The following MYO3B variants were observed in gnomAD, a reference collection of about 807,000 sequenced individuals.
MYO3B encodes the protein myosin-IIIb.
MYO3B carries 156 observed loss-of-function variants against 174.6 expected under a neutral mutation model. That is an observed-to-expected ratio of 0.89 (90% CI 0.78 to 1.02). The LOEUF is 1.02. Ranked by LOEUF, MYO3B falls within the 50% of genes least tolerant of loss-of-function variation. The pLI, the probability that MYO3B is intolerant of heterozygous loss-of-function variation, is 0.00. For missense variants in MYO3B, 1,632 were observed against 1,639.4 expected (o/e 1.00, Z 0.08); for synonymous variants, 563 against 569.1 (o/e 0.99, Z 0.15).
chr2:170,374,737 C>G (rs1343360740), intron 9 of MYO3B, among the ~76,000 whole-genome samples: 1 of 136,778 alleles, frequency 7.3e-6, no homozygotes, highest in Non-Finnish European at 1.5e-5. Context: ...TTCACTCTCT[C>G]TATATATATA....
intron 32 of MYO3B, among the ~76,000 whole-genome samples, chr2:170,551,382 T>TTCTTTATTTATC (rs1690893267): frequency 7.2e-6 from 1 of 138,760 alleles, no homozygotes; most frequent in Non-Finnish European, 1.5e-5. Context: ...ATTTATTTAT[T>TTCTTTATTTATC]TATTTTTAGG....
At chr2:170,252,501 G>A (rs774898287) in intron 7 of MYO3B, among the ~76,000 whole-genome samples, 4 of 152,124 alleles carry the variant, frequency 2.6e-5, no homozygotes, top group Non-Finnish European at 5.9e-5. Context: ...GTTGATGCTT[G>A]GAACTAGTTT....
intron 30 of MYO3B, among the ~76,000 whole-genome samples, chr2:170,532,012 T>C (rs1244568103): frequency 6.6e-6 from 1 of 152,194 alleles, no homozygotes; most frequent in Non-Finnish European, 1.5e-5. Context: ...AAGAAACTTA[T>C]TAATTACAAA....
At chr2:170,447,351 C>T (rs1467421792) in intron 23 of MYO3B, among the ~76,000 whole-genome samples, 2 of 152,068 alleles carry the variant, frequency 1.3e-5, no homozygotes, top group African/African-American at 4.8e-5. Flanking sequence ...ATAGATGTAT[C>T]ACTTGATAGC....
intron 32 of MYO3B, chr2:170,601,886 C>G: frequency 2.3e-6 from 2 of 856,672 alleles, no homozygotes; most frequent in East Asian, 2.4e-5. Flanking sequence ...GGATGCTCTC[C>G]TTTGATTTTT....
At chr2:170,462,529 G>A (rs1684355839) in intron 23 of MYO3B, among the ~76,000 whole-genome samples, 1 of 152,220 alleles carries the variant, frequency 6.6e-6, no homozygotes, top group Admixed American at 6.5e-5. Context: ...CACCCCATGG[G>A]AAGGTGGCTG....
At chr2:170,234,152 C>T (rs2105292663) in intron 6 of MYO3B, among the ~76,000 whole-genome samples, 1 of 116,120 alleles carries the variant, frequency 8.6e-6, no homozygotes, top group Admixed American at 1.1e-4. Context: ...GCCTGGGCGA[C>T]AGAGTGAGAC....
intron 22 of MYO3B, among the ~76,000 whole-genome samples, chr2:170,422,926 A>T (rs1047829443): frequency 2.7e-5 from 4 of 147,518 alleles, no homozygotes; most frequent in African/African-American, 1.0e-4. Context: ...TCTGATGTGC[A>T]TTTTATATCT....
chr2:170,537,067 G>C (rs191110569), intron 30 of MYO3B, among the ~76,000 whole-genome samples: 1 of 152,104 alleles, frequency 6.6e-6, no homozygotes, highest in Admixed American at 6.6e-5. Flanking sequence ...CGGGCGTGGT[G>C]GTGGGCGCTT....
intron 30 of MYO3B, among the ~76,000 whole-genome samples, chr2:170,530,970 C>G (rs543017637): frequency 3.7e-4 from 56 of 152,238 alleles, no homozygotes; most frequent in Admixed American, 2.7e-3. Context: ...TCTACTGTTC[C>G]CTTAGTCCTC....
At position 170,476,253 on chromosome 2, in the gene MYO3B, A is replaced by C. The variant is rs569721415; in HGVS notation, c.3014+9542A>C. ...GGAGTGGGGTGTCTGCAACTCCCAA[A>C]GCCCAAGTGGGCATGTTACAGTGCA... On this transcript the variant is annotated intron_variant, in intron 25 of 34. Transcript: ENST00000408978. Among the ~76,000 whole-genome samples the C allele has an allele frequency of 2.0e-5, 3 of 152,288 alleles. No homozygotes were observed. In the South Asian group the frequency reaches 6.2e-4, roughly 32 times the overall value.
At chr2:170,594,358 A>C (rs932744051) in intron 32 of MYO3B, among the ~76,000 whole-genome samples, 9 of 152,130 alleles carry the variant, frequency 5.9e-5, no homozygotes, top group Non-Finnish European at 7.4e-5. Context: ...CGGAGATGAG[A>C]GATGAGGAGA....
At chr2:170,460,920 G>A (rs547685794) in intron 23 of MYO3B, among the ~76,000 whole-genome samples, 3 of 152,238 alleles carry the variant, frequency 2.0e-5, no homozygotes, top group South Asian at 2.1e-4. Flanking sequence ...TTTAAATTGT[G>A]TTTCAGCTGA....
At chr2:170,405,758 C>T (rs2094505554) in intron 21 of MYO3B, 125 bp downstream of exon 21, 1 of 775,534 alleles carries the variant, frequency 1.3e-6, no homozygotes, top group Non-Finnish European at 2.0e-6. Context: ...TCCTGAATAC[C>T]TAATCATAAT....
intron 25 of MYO3B, 99 bp from the exon 26 acceptor site, chr2:170,498,493 A>G (rs1481274492): frequency 8.0e-6 from 6 of 750,898 alleles, no homozygotes; most frequent in African/African-American, 1.8e-5. Flanking sequence ...ACAAATATTT[A>G]CTATTAAAAA....
intron 32 of MYO3B, among the ~76,000 whole-genome samples, chr2:170,593,670 G>A (rs939489514): frequency 1.3e-5 from 2 of 152,196 alleles, no homozygotes; most frequent in African/African-American, 4.8e-5. Context: ...AATACATACT[G>A]GGATCTACTT....
intron 32 of MYO3B, among the ~76,000 whole-genome samples, chr2:170,623,340 T>C (rs1319458788): frequency 6.6e-6 from 1 of 152,264 alleles, no homozygotes; most frequent in Admixed American, 6.5e-5. Flanking sequence ...TGAGCATTTT[T>C]TCATATGTTT....
intron 25 of MYO3B, among the ~76,000 whole-genome samples, chr2:170,468,365 T>G (rs946482510): frequency 1.3e-5 from 2 of 152,174 alleles, no homozygotes; most frequent in Non-Finnish European, 2.9e-5. Context: ...AAAAACTCAT[T>G]TAATGTGACT....
intron 32 of MYO3B, among the ~76,000 whole-genome samples, chr2:170,545,326 G>A (rs996486525): frequency 4.6e-5 from 7 of 152,200 alleles, no homozygotes; most frequent in African/African-American, 1.7e-4. Context: ...GAGGGAAATA[G>A]TAATGCATAT....
Sources: gnomAD v4.1 joint callset for allele counts (sites outside exome capture counted in the v4.1 genomes callset) on GRCh38, gnomAD v4.1.1 for gene constraint, MANE v1.5 for transcripts, NCBI Gene and HGNC (gene_info 2026-07-23, HGNC 2026-07-21) for gene names.